ABCB1: variants seen among roughly 807,000 people sequenced by gnomAD.
ABCB1 encodes ATP binding cassette subfamily B member 1, also known as ATP-dependent translocase ABCB1.
In ABCB1, 69 loss-of-function variants were observed where a neutral mutation model predicts 142.0. The ratio of observed to expected loss-of-function variants is 0.49; its 90% confidence interval spans 0.40 to 0.59. ABCB1 has a LOEUF of 0.59. Ranked by LOEUF, ABCB1 falls within the 20% of genes least tolerant of loss-of-function variation. ABCB1 has a pLI of 0.00. For synonymous variants in ABCB1, 532 were observed against 539.2 expected (o/e 0.99, Z 0.18); for missense variants, 1,326 against 1,554.7 (o/e 0.85, Z 2.47).
At chr7:87,569,308 G>C (rs1223945809) in intron 5 of ABCB1, among the ~76,000 whole-genome samples, 1 of 142,688 alleles carries the variant, frequency 7.0e-6, no homozygotes, top group African/African-American at 2.7e-5. Flanking sequence ...ACTCCAGCCT[G>C]GGGGACAGAG....
Position 87,678,641 on chromosome 7 carries a change from A to G in ABCB1, c.-331+34520T>C, listed in dbSNP as rs1037075883. On this transcript the variant is annotated intron_variant, in intron 1 of 28. Coordinates refer to the ABCB1 transcript ENST00000265724. ...TATAAATGGCCTAAGCACTCCAATT[A>G]AAAGAGATTTTTTGACTGGGTAAAA... Among the ~76,000 whole-genome samples, 47 of 152,320 alleles carry G rather than the reference A, an allele frequency of 3.1e-4. No homozygotes were observed. In the East Asian group the frequency reaches 5.0e-3, roughly 16 times the overall value.
chr7:87,534,686 G>A (rs1816202293), intron 20 of ABCB1, among the ~76,000 whole-genome samples: 1 of 152,006 alleles, frequency 6.6e-6, no homozygotes, highest in Non-Finnish European at 1.5e-5. Flanking sequence ...GGCTGAGGCA[G>A]GGAGGATCAC....
intron 1 of ABCB1, among the ~76,000 whole-genome samples, chr7:87,673,342 T>G (rs1234301927): frequency 6.6e-6 from 1 of 152,226 alleles, no homozygotes; most frequent in Admixed American, 6.5e-5. Flanking sequence ...TCTCCCTCTC[T>G]TTCAGGGATG....
intron 4 of ABCB1, among the ~76,000 whole-genome samples, chr7:87,574,871 T>C (rs1818209264): frequency 6.6e-6 from 1 of 152,170 alleles, no homozygotes; most frequent in Non-Finnish European, 1.5e-5. Flanking sequence ...TGGTGTGAGG[T>C]CATAGAAAAC....
At chr7:87,619,557 T>G (rs960169724) in intron 1 of ABCB1, among the ~76,000 whole-genome samples, 1 of 148,574 alleles carries the variant, frequency 6.7e-6, no homozygotes, top group Admixed American at 6.7e-5. Context: ...AAAAAAAAAG[T>G]AAACTTGACA....
chr7:87,633,413 A>G (rs949353583), intron 1 of ABCB1, among the ~76,000 whole-genome samples: 1 of 152,232 alleles, frequency 6.6e-6, no homozygotes, highest in Non-Finnish European at 1.5e-5. Context: ...CTCTATGAAT[A>G]TGCCCACTGT....
At chr7:87,671,116 A>T (rs1400959999) in intron 1 of ABCB1, among the ~76,000 whole-genome samples, 1 of 152,160 alleles carries the variant, frequency 6.6e-6, no homozygotes. Context: ...TCAGACCAGG[A>T]TGGAGGGTCT....
intron 1 of ABCB1, among the ~76,000 whole-genome samples, chr7:87,671,074 GAGAGATAT>G (rs1825780411): frequency 1.3e-5 from 2 of 152,160 alleles, no homozygotes; most frequent in Non-Finnish European, 2.9e-5. Flanking sequence ...CTCCAACCCA[GAGAGATAT>G]AGGTCAGCAG....
intron 14 of ABCB1, among the ~76,000 whole-genome samples, chr7:87,547,576 A>T (rs1816840116): frequency 6.6e-6 from 1 of 151,858 alleles, no homozygotes; most frequent in Non-Finnish European, 1.5e-5. Flanking sequence ...AATATATCAA[A>T]AAATAGCTGG....
chr7:87,603,264 T>C (rs1325806359), upstream of ABCB1: 2 of 152,240 alleles, frequency 1.3e-5, no homozygotes, highest in Non-Finnish European at 2.9e-5. Flanking sequence ...AAGAATCCTA[T>C]GAAGTAGTTA....
chr7:87,550,155 G>C lies in ABCB1; in HGVS notation c.1350+16C>G. On this transcript the variant is annotated intron_variant, in intron 12 of 27. Coordinates refer to ENST00000622132, the MANE Select transcript of ABCB1 (RefSeq NM_001348946.2). ...TGCTGATCACCGCAGGGTCTAGCTC[G>C]CATGGGTCATCTCACCATCCCCTCT... 1 of 1,614,078 alleles carries C rather than the reference G, an allele frequency of 6.2e-7. No individual in the cohort carries two copies. Among genetic ancestry groups the C allele is most frequent in the Non-Finnish European group, 8.5e-7 (1 of 1,180,036 alleles).
chr7:87,625,824 T>C (rs948896271), intron 1 of ABCB1, among the ~76,000 whole-genome samples: 1 of 152,040 alleles, frequency 6.6e-6, no homozygotes, highest in African/African-American at 2.4e-5. Flanking sequence ...CATCCATATA[T>C]AGAAATTTCG....
At chr7:87,589,682 G>A (rs898562495) in intron 3 of ABCB1, among the ~76,000 whole-genome samples, 28 of 152,114 alleles carry the variant, frequency 1.8e-4, no homozygotes, top group African/African-American at 5.5e-4. Flanking sequence ...CTACTCCAGA[G>A]GCTGGGGTGG....
intron 1 of ABCB1, among the ~76,000 whole-genome samples, chr7:87,660,338 C>G (rs1227352784): frequency 6.6e-6 from 1 of 151,944 alleles, no homozygotes; most frequent in East Asian, 1.9e-4. Flanking sequence ...ATTTTGTATT[C>G]TCCTTAAAGT....
chr7:87,602,976 T>G (rs1032195807), upstream of ABCB1: 1 of 152,194 alleles, frequency 6.6e-6, no homozygotes, highest in Non-Finnish European at 1.5e-5. Flanking sequence ...CCCTTGCAAG[T>G]TGACACTCAT....
intron 1 of ABCB1, among the ~76,000 whole-genome samples, chr7:87,663,609 T>C (rs1355182617): frequency 6.6e-6 from 1 of 152,210 alleles, no homozygotes; most frequent in East Asian, 1.9e-4. Flanking sequence ...TCCACATTAT[T>C]GCTTTTAAAA....
rs572827929 is a variant in ABCB1 at position 87,680,933 on chromosome 7, A to G, written c.-331+32228T>C. On this transcript the variant is annotated intron_variant, in intron 1 of 28. Transcript: ENST00000265724. ...AAAAACAAAAACAATAATTGGTGAT[A>G]TGAAAGGATGATTGCTTGAAATCAT... Among the ~76,000 whole-genome samples, 5 of 150,940 alleles carry G rather than the reference A, an allele frequency of 3.3e-5. 1 individual carries two copies. Among genetic ancestry groups the G allele is most frequent in the South Asian group, 4.2e-4 (2 of 4,786 alleles).
chr7:87,619,514 G>C (rs1820147477), intron 1 of ABCB1, among the ~76,000 whole-genome samples: 1 of 151,000 alleles, frequency 6.6e-6, no homozygotes, highest in South Asian at 2.1e-4. Flanking sequence ...ACTCCAGCCT[G>C]GGTGATAGAG....
At chr7:87,628,467 G>A (rs928161385) in intron 1 of ABCB1, 3 of 182,440 alleles carry the variant, frequency 1.6e-5, no homozygotes, top group Non-Finnish European at 3.4e-5. Flanking sequence ...GGGCCGACGG[G>A]CTCGCGCGCG....
Sources: allele counts gnomAD v4.1 joint callset (sites outside exome capture counted in the v4.1 genomes callset), GRCh38; gene constraint gnomAD v4.1.1; transcripts MANE v1.5; gene names NCBI Gene and HGNC (gene_info 2026-07-23, HGNC 2026-07-21).